Variants in OTOP1 observed in about 807,000 individuals in gnomAD.
The protein encoded by OTOP1 is proton channel OTOP1.
A neutral mutation model predicts 52.9 loss-of-function variants in OTOP1; 59 were observed. The ratio of observed to expected loss-of-function variants is 1.12; its 90% CI spans 0.91 to 1.39. The LOEUF (loss-of-function observed/expected upper bound fraction) is 1.39. Among genes scored for constraint, OTOP1 ranks in the 40% most tolerant of loss-of-function variants. The pLI, the probability that OTOP1 is intolerant of heterozygous loss-of-function variation, is 0.00. For synonymous variants in OTOP1, 317 were observed against 337.7 expected (o/e 0.94, Z 0.67); for missense variants, 761 against 800.9 (o/e 0.95, Z 0.60).
At chr4:4,204,752 G>A (rs1001175376) in intron 3 of OTOP1, among the ~76,000 whole-genome samples, 12 of 141,646 alleles carry the variant, frequency 8.5e-5, no homozygotes, top group African/African-American at 2.1e-4. Flanking sequence ...GTGTGTGTGC[G>A]TGTGCATGGT....
At chr4:4,205,412 T>C (rs1716880211) in intron 3 of OTOP1, among the ~76,000 whole-genome samples, 1 of 152,172 alleles carries the variant, frequency 6.6e-6, no homozygotes, top group African/African-American at 2.4e-5. Context: ...AAACAAAAGA[T>C]CTTGCTACCT....
At chr4:4,203,185 C>T (rs1560207338) in intron 3 of OTOP1, among the ~76,000 whole-genome samples, 1 of 152,230 alleles carries the variant, frequency 6.6e-6, no homozygotes, top group African/African-American at 2.4e-5. Flanking sequence ...ACAAAAGAAA[C>T]AAGAATAAGA....
intron 4 of OTOP1, among the ~76,000 whole-genome samples, chr4:4,199,059 C>T (rs138656015): frequency 0.026 from 3,911 of 152,038 alleles, 152 homozygotes; most frequent in African/African-American, 0.088. Context: ...GGTGTGGTGG[C>T]AAGCCTGTAA....
chr4:4,226,451 C>G lies in OTOP1; in HGVS notation c.403+11G>C. The G allele has an allele frequency of 2.7e-6, 4 of 1,457,186 alleles. No individual in the cohort carries two copies. Among genetic ancestry groups the G allele is most frequent in the Non-Finnish European group, 3.6e-6 (4 of 1,110,546 alleles). The allele number at this position is 1,457,186 out of a possible 1,614,324, so 90.3% of individuals were successfully genotyped here. A position where few individuals can be genotyped will look rare whatever the true frequency, so the allele number is the denominator to read the frequency against. ...GAGGCGGAGACCCGCTCGCCCGGCG[C>G]CTGGACTCACCGCGCAGCCAGCCGG... On this transcript the variant is annotated intron_variant, in intron 1 of 5. Transcript: ENST00000296358.
chr4:4,196,199 G>A (rs1269927037), intron 5 of OTOP1, among the ~76,000 whole-genome samples: 1 of 151,564 alleles, frequency 6.6e-6, no homozygotes, highest in Non-Finnish European at 1.5e-5. Context: ...CAGGAGGATT[G>A]TTTGAGCCCA....
chr4:4,199,233 TGAGAGAGAGAGAGA>T lies in OTOP1; in HGVS notation c.731-1144_731-1131del, dbSNP rs71600542. On this transcript the variant is annotated intron_variant, in intron 4 of 5. Transcript: ENST00000296358. The stretch of plus-strand genomic sequence containing the variant: ...ACTCAGGTAAAATTGTGTGTGTGTG[TGAGAGAGAGAGAGA>T]GAGAGAGAGAGAGAGAGAGAGAGAG... Among the ~76,000 whole-genome samples, 17 of 98,564 alleles carry T rather than the reference TGAGAGAGAGAGAGA, an allele frequency of 1.7e-4. 1 individual carries two copies. The highest frequency in any genetic ancestry group is 2.2e-4 in the African/African-American group (5 of 22,634). 64.7% of individuals were successfully genotyped at this position (98,564 alleles called of 152,430 possible).
intron 5 of OTOP1, among the ~76,000 whole-genome samples, chr4:4,194,828 C>A (rs1264471883): frequency 1.3e-5 from 2 of 152,184 alleles, no homozygotes; most frequent in Non-Finnish European, 2.9e-5. Flanking sequence ...GCAAAGGCTG[C>A]TTCCCCCTCC....
At chr4:4,221,787 T>C (rs924228436) in intron 1 of OTOP1, among the ~76,000 whole-genome samples, 2 of 152,212 alleles carry the variant, frequency 1.3e-5, no homozygotes, top group African/African-American at 4.8e-5. Flanking sequence ...CCCAGCTTTT[T>C]GTATTTTTAG....
chr4:4,200,328 A>G (rs1716753571), intron 4 of OTOP1, among the ~76,000 whole-genome samples: 1 of 152,060 alleles, frequency 6.6e-6, no homozygotes, highest in African/African-American at 2.4e-5. Flanking sequence ...ACAAAAAATT[A>G]GCCGGGCGTG....
At chr4:4,193,318 C>G (rs1180349582) in intron 5 of OTOP1, among the ~76,000 whole-genome samples, 1 of 152,260 alleles carries the variant, frequency 6.6e-6, no homozygotes, top group South Asian at 2.1e-4. Flanking sequence ...CTTCCCTGAC[C>G]CATCTCCCAC....
chr4:4,217,013 T>C (rs114467234), intron 1 of OTOP1, among the ~76,000 whole-genome samples: 1 of 152,186 alleles, frequency 6.6e-6, no homozygotes, highest in African/African-American at 2.4e-5. Flanking sequence ...AATTTTCAAG[T>C]GGGGCTGCCA....
intron 2 of OTOP1, 115 bp from the exon 3 acceptor site, chr4:4,206,245 G>A: frequency 2.6e-6 from 2 of 776,956 alleles, no homozygotes; most frequent in South Asian, 3.2e-5. Context: ...TGGGACATCA[G>A]TGACCTCCTA....
intron 1 of OTOP1, among the ~76,000 whole-genome samples, chr4:4,215,658 C>G (rs1444732423): frequency 6.7e-6 from 1 of 148,838 alleles, no homozygotes; most frequent in African/African-American, 2.6e-5. Flanking sequence ...GAAACTCTGT[C>G]TCAAAAAATA....
At chr4:4,205,768 T>C (rs1357497326) in intron 3 of OTOP1, among the ~76,000 whole-genome samples, 1 of 152,214 alleles carries the variant, frequency 6.6e-6, no homozygotes, top group Non-Finnish European at 1.5e-5. Context: ...AAAAAAGAAA[T>C]TACATTTTCT....
Position 4,197,351 on chromosome 4 carries a change from T to C in OTOP1, c.1483A>G (p.Met495Val). 6.2e-7 allele frequency: 1 copy of C among 1,614,126 alleles called. No homozygotes were observed. The highest frequency in any genetic ancestry group is 1.1e-5 in the South Asian group (1 of 91,074). Residue 495 changes from methionine (M) to valine (V), a missense_variant, in exon 5 of 6, where the codon ATG (methionine) becomes GTG (valine). Met to Val is a conservative substitution (Grantham distance 21, BLOSUM62 1). Around this residue, in one of 3 missense-constraint regions of OTOP1, gnomAD observed 632 missense variants for 619.5 expected, o/e 1.02. Transcript: ENST00000296358. ...ARDVAPQGKD[M>V]PPAANGNVCM... ...ACATTTCCATTGGCTGCTGGTGGCA[T>C]GTCCTTGCCCTGGGGAGCCACATCT...
intron 1 of OTOP1, among the ~76,000 whole-genome samples, chr4:4,221,204 T>C (rs370217669): frequency 6.6e-6 from 1 of 151,772 alleles, no homozygotes; most frequent in African/African-American, 2.4e-5. Context: ...CTCAGCCTCC[T>C]GAGTAGCTGG....
chr4:4,191,012 C>T (rs994172243), intron 5 of OTOP1, among the ~76,000 whole-genome samples: 1 of 152,162 alleles, frequency 6.6e-6, no homozygotes, highest in African/African-American at 2.4e-5. Context: ...ATCCAAGAAC[C>T]CCAGGCTCAT....
rs533304481 is a variant in OTOP1 at position 4,213,339 on chromosome 4, T to C, written c.404-335A>G. ...AGCTTCATGACATTGGCTTTGGCAA[T>C]AATTTCTTGGCTATGACACCAAAAA... On this transcript the variant is annotated intron_variant, in intron 1 of 5. Transcript: ENST00000296358. Among the ~76,000 whole-genome samples, 4 of 152,318 alleles carry C rather than the reference T, an allele frequency of 2.6e-5. No homozygotes were observed. The East Asian group carries it at 5.8e-4, about 22-fold the overall frequency.
chr4:4,199,239 A>AGTGTGTGTGTGT (rs1716723413), intron 4 of OTOP1, among the ~76,000 whole-genome samples: 1 of 60,402 alleles, frequency 1.7e-5, no homozygotes, highest in Non-Finnish European at 3.6e-5. Flanking sequence ...TGTGTGAGAG[A>AGTGTGTGTGTGT]GAGAGAGAGA....
Sources: allele counts gnomAD v4.1 joint callset (sites outside exome capture counted in the v4.1 genomes callset), GRCh38; gene constraint gnomAD v4.1.1; regional missense constraint gnomAD v4.1.1; transcripts MANE v1.5; gene names NCBI Gene and HGNC (gene_info 2026-07-23, HGNC 2026-07-21).